NFIB: variants seen among roughly 807,000 people sequenced by gnomAD.
NFIB encodes the protein nuclear factor 1 B-type.
A neutral mutation model predicts 61.5 loss-of-function variants in NFIB; 11 were observed. That is an observed-to-expected ratio of 0.18 (90% CI 0.11 to 0.30). NFIB has a LOEUF of 0.30. NFIB is among the 10% of genes least tolerant of loss of function. The probability of loss-of-function intolerance (pLI) is 1.00; values close to 1 mark genes in which losing one functional copy is unlikely to be tolerated. For synonymous variants in NFIB, 260 were observed against 216.5 expected (o/e 1.20, Z -1.76); for missense variants, 471 against 608.9 (o/e 0.77, Z 2.38).
At chr9:14,475,039 ACT>A in the NFIB span, among the ~76,000 whole-genome samples, 4 of 151,864 alleles carry the variant, frequency 2.6e-5, no homozygotes, top group African/African-American at 9.7e-5. Flanking sequence ...TCTTGCAGAA[ACT>A]CTCTCACAGA....
chr9:14,387,013 A>T (rs1193724240), intron 1 of NFIB, among the ~76,000 whole-genome samples: 1 of 152,218 alleles, frequency 6.6e-6, no homozygotes, highest in Non-Finnish European at 1.5e-5. Flanking sequence ...AATGAAACTG[A>T]CCACAGAATG....
intron 2 of NFIB, among the ~76,000 whole-genome samples, chr9:14,216,915 C>T (rs1442543404): frequency 6.6e-6 from 1 of 152,166 alleles, no homozygotes. Flanking sequence ...GTGCTTTACA[C>T]TGAAAACTTT....
At chr9:14,482,724 A>T in the NFIB span, among the ~76,000 whole-genome samples, 1 of 152,212 alleles carries the variant, frequency 6.6e-6, no homozygotes, top group Non-Finnish European at 1.5e-5. Context: ...GCCTCATTTA[A>T]TGTTATTTTA....
intron 1 of NFIB, among the ~76,000 whole-genome samples, chr9:14,356,184 C>T (rs2132931368): frequency 6.6e-6 from 1 of 152,178 alleles, no homozygotes; most frequent in South Asian, 2.1e-4. Flanking sequence ...CACTTTTTGT[C>T]ACTAACTGGA....
At position 14,088,141 on chromosome 9, in the gene NFIB, C is replaced by CTTTT; in HGVS notation, c.*164_*167dup. Reference sequence around the variant, plus strand: ...TGTTTTGTCCAGTCTTCCTCTTTTCCTTTTTTTTTATTTAAAAAAAAAATT... The same window carrying CTTTT: ...TGTTTTGTCCAGTCTTCCTCTTTTCCTTTTTTTTTTTTTATTTAAAAAAAAAATT... On this transcript the variant is annotated 3_prime_UTR_variant, in exon 11 of 11. Transcript: ENST00000380953. The CTTTT allele has an allele frequency of 7.4e-7, 1 of 1,354,264 alleles. No homozygotes were observed. The highest frequency in any genetic ancestry group is 9.7e-7 in the Non-Finnish European group (1 of 1,029,194). The allele number at this position is 1,354,264 out of a possible 1,614,324, so 83.9% of individuals were successfully genotyped here. A position where few individuals can be genotyped will look rare whatever the true frequency, so the allele number is the denominator to read the frequency against.
intron 1 of NFIB, among the ~76,000 whole-genome samples, chr9:14,380,347 T>G (rs1236302882): frequency 1.3e-5 from 2 of 152,118 alleles, no homozygotes; most frequent in Admixed American, 1.3e-4. Flanking sequence ...AAAGGCAAAA[T>G]GTAAAAACAA....
chr9:14,136,918 C>T (rs1449097669), intron 6 of NFIB, among the ~76,000 whole-genome samples: 1 of 151,950 alleles, frequency 6.6e-6, no homozygotes, highest in Non-Finnish European at 1.5e-5. Flanking sequence ...TTAAGTTCAA[C>T]CTAAATCTAT....
chr9:14,267,585 TTAATC>T (rs2057303163), intron 2 of NFIB, among the ~76,000 whole-genome samples: 1 of 152,206 alleles, frequency 6.6e-6, no homozygotes, highest in Non-Finnish European at 1.5e-5. Context: ...CATTTTCACT[TTAATC>T]TATGTATTAT....
chr9:14,162,350 C>CT (rs1223254434), intron 3 of NFIB, among the ~76,000 whole-genome samples: 2 of 151,740 alleles, frequency 1.3e-5, no homozygotes, highest in Non-Finnish European at 2.9e-5. Context: ...TTATCAAATT[C>CT]TTTTTTGGCA....
Position 14,123,897 on chromosome 9 carries a change from T to C in NFIB, c.1060+1735A>G, listed in dbSNP as rs563211855. On this transcript the variant is annotated intron_variant, in intron 7 of 10. Coordinates refer to ENST00000380953, the MANE Select transcript of NFIB (RefSeq NM_001190737.2). The stretch of plus-strand genomic sequence containing the variant: ...CCTCTGCCTCCCAGGTTGCCCCTCT[T>C]CTTCCTAGTTTGTTGTTCCTTCTTG... 1.8e-4 allele frequency among the ~76,000 whole-genome samples: 28 copies of C among 152,236 alleles called. No homozygotes were observed. In the South Asian group the frequency reaches 5.6e-3, roughly 30 times the overall value.
chr9:14,269,000 T>A (rs1306277072), intron 2 of NFIB, among the ~76,000 whole-genome samples: 1 of 152,208 alleles, frequency 6.6e-6, no homozygotes, highest in Non-Finnish European at 1.5e-5. Flanking sequence ...TGTGCCTTAT[T>A]AGCAATTGTT....
At chr9:14,258,677 C>A (rs2056458765) in intron 2 of NFIB, among the ~76,000 whole-genome samples, 1 of 152,222 alleles carries the variant, frequency 6.6e-6, no homozygotes, top group Non-Finnish European at 1.5e-5. Flanking sequence ...ATTATTTCAA[C>A]TGTTTACTTT....
At chr9:14,386,032 C>T (rs1309563650) in intron 1 of NFIB, among the ~76,000 whole-genome samples, 1 of 152,146 alleles carries the variant, frequency 6.6e-6, no homozygotes, top group East Asian at 1.9e-4. Context: ...ATCTACCCAC[C>T]TTGGCCTCCC....
At chr9:14,376,517 C>CTTT (rs781462864) in intron 1 of NFIB, among the ~76,000 whole-genome samples, 1 of 128,430 alleles carries the variant, frequency 7.8e-6, no homozygotes, top group Non-Finnish European at 1.6e-5. Flanking sequence ...CTAAAAGTGT[C>CTTT]ATTTTTTTTT....
chr9:14,455,810 A>C, the NFIB span, among the ~76,000 whole-genome samples: 2 of 152,168 alleles, frequency 1.3e-5, no homozygotes, highest in Non-Finnish European at 2.9e-5. Flanking sequence ...CACTTGGAAA[A>C]ATTTTTTAAA....
At chr9:14,200,932 C>A (rs528011477) in intron 2 of NFIB, among the ~76,000 whole-genome samples, 7 of 152,306 alleles carry the variant, frequency 4.6e-5, no homozygotes, top group African/African-American at 1.7e-4. Context: ...CTCCCCGCAA[C>A]CAATCCATAT....
Position 14,146,734 on chromosome 9 carries a change from T to G in NFIB, c.880A>C (p.Ser294Arg). 1.2e-6 allele frequency: 2 copies of G among 1,612,332 alleles called. No individual in the cohort carries two copies. The highest frequency in any genetic ancestry group is 1.7e-6 in the Non-Finnish European group (2 of 1,179,388). ...GTTCGACTTCCAGCAGCTGGTGAAC[T>G]TGGAGAGGGGTAAAAGTCTCCTGTA... Reference protein sequence around the residue: ...SPTGDFYPSPSSPAAGSRTWH... With the variant: ...SPTGDFYPSPRSPAAGSRTWH... Residue 294 changes from serine (S) to arginine (R), a missense_variant, in exon 6 of 11, where the codon AGT (serine) becomes CGT (arginine). Ser to Arg is a moderately radical substitution (Grantham distance 110). Coordinates refer to ENST00000380953, the MANE Select transcript of NFIB (RefSeq NM_001190737.2).
chr9:14,414,511 ATT>A, the NFIB span, among the ~76,000 whole-genome samples: 1,681 of 119,982 alleles, frequency 0.014, 31 homozygotes, highest in African/African-American at 0.051. Context: ...CACGTTTTGT[ATT>A]TTTTTTTTTT....
rs58661592 is a variant in NFIB at position 14,090,802 on chromosome 9, G to T, written c.1468-2476C>A. Among the ~76,000 whole-genome samples the T allele has an allele frequency of 1.3e-4, 19 of 151,962 alleles. No homozygotes were observed. In the East Asian group the frequency reaches 3.7e-3, roughly 29 times the overall value. On this transcript the variant is annotated intron_variant, in intron 10 of 10. Transcript: ENST00000380953. ...GTCATTTGGAGATTGCATGCTTTAG[G>T]GATATAAAGTATATTTTAATGATTG...
Sources: allele counts gnomAD v4.1 joint callset (sites outside exome capture counted in the v4.1 genomes callset), GRCh38; gene constraint gnomAD v4.1.1; transcripts MANE v1.5; gene names NCBI Gene and HGNC (gene_info 2026-07-23, HGNC 2026-07-21).